The following YEATS4 variants were observed in gnomAD, a reference collection of about 807,000 sequenced individuals.
YEATS4 encodes YEATS domain-containing protein 4.
Under a neutral mutation model 30.1 loss-of-function variants are expected in YEATS4, and 17 were observed. The observed-to-expected ratio is 0.56, with a 90% confidence interval of 0.39 to 0.85. YEATS4 has a LOEUF of 0.85. Ranked by LOEUF, YEATS4 falls within the 40% of genes least tolerant of loss-of-function variation. The pLI, the probability that YEATS4 is intolerant of heterozygous loss-of-function variation, is 0.00. For synonymous variants in YEATS4, 85 were observed against 87.5 expected (o/e 0.97, Z 0.16); for missense variants, 142 against 268.3 (o/e 0.53, Z 3.29).
the YEATS4 span, among the ~76,000 whole-genome samples, chr12:69,410,587 A>G: frequency 6.6e-6 from 1 of 152,230 alleles, no homozygotes; most frequent in African/African-American, 2.4e-5. Context: ...AATTTAAGAA[A>G]TAACCACTTT....
chr12:69,364,827 C>A (rs1201984393), intron 2 of YEATS4, among the ~76,000 whole-genome samples: 5 of 152,018 alleles, frequency 3.3e-5, no homozygotes, highest in Non-Finnish European at 5.9e-5. Context: ...CCCATGTTGG[C>A]CAGGCTGGTC....
At chr12:69,389,928 AT>A (rs1868297438) in intron 6 of YEATS4, among the ~76,000 whole-genome samples, 1 of 152,096 alleles carries the variant, frequency 6.6e-6, no homozygotes, top group Non-Finnish European at 1.5e-5. Flanking sequence ...GGTGACCAGA[AT>A]TTTATTTTTA....
downstream of YEATS4, among the ~76,000 whole-genome samples, chr12:69,391,542 G>T (rs1402387868): frequency 2.0e-5 from 3 of 152,150 alleles, no homozygotes; most frequent in Non-Finnish European, 4.4e-5. Context: ...TGCCCTGATG[G>T]ATTGGTTACT....
chr12:69,377,256 A>G (rs1363841166), intron 6 of YEATS4, among the ~76,000 whole-genome samples: 1 of 152,040 alleles, frequency 6.6e-6, no homozygotes, highest in African/African-American at 2.4e-5. Flanking sequence ...TTTACAATAC[A>G]TCGTTAGATA....
At chr12:69,381,454 A>G (rs533006748) in intron 6 of YEATS4, among the ~76,000 whole-genome samples, 1 of 152,282 alleles carries the variant, frequency 6.6e-6, no homozygotes, top group African/African-American at 2.4e-5. Flanking sequence ...CACATGCTCT[A>G]CAAACAATTT....
intron 6 of YEATS4, among the ~76,000 whole-genome samples, chr12:69,389,145 A>AT (rs1326144494): frequency 6.6e-6 from 1 of 152,054 alleles, no homozygotes; most frequent in African/African-American, 2.4e-5. Context: ...TGATAGTGTG[A>AT]TTTTGTTTAT....
At chr12:69,386,351 A>G (rs1252812498) in intron 6 of YEATS4, among the ~76,000 whole-genome samples, 1 of 152,262 alleles carries the variant, frequency 6.6e-6, no homozygotes, top group Non-Finnish European at 1.5e-5. Flanking sequence ...TTTTAAAACT[A>G]CCGCTTACAG....
At position 69,375,108 on chromosome 12, in the gene YEATS4, G is replaced by A. The variant is rs531478186; in HGVS notation, c.514+4133G>A. 2.4e-4 allele frequency among the ~76,000 whole-genome samples: 36 copies of A among 151,924 alleles called. 1 individual carries two copies. In the South Asian group the frequency reaches 6.7e-3, roughly 28 times the overall value. On this transcript the variant is annotated intron_variant, in intron 6 of 6. Coordinates refer to ENST00000247843, the MANE Select transcript of YEATS4 (RefSeq NM_006530.4). ...GGAGACGCTCCTCACTTCCCTGACG[G>A]GGTGGCTGCTGGGCGGAGGGGCTCC...
chr12:69,360,069 G>T (rs748547101), intron 1 of YEATS4, 46 bp downstream of exon 1: 6 of 1,598,448 alleles, frequency 3.8e-6, no homozygotes, highest in South Asian at 1.1e-5. Context: ...CTCCCGCCTC[G>T]GTTCCTCCCT....
chr12:69,382,522 T>G (rs1876120921), intron 6 of YEATS4, among the ~76,000 whole-genome samples: 1 of 152,210 alleles, frequency 6.6e-6, no homozygotes, highest in South Asian at 2.1e-4. Flanking sequence ...CACAAATATT[T>G]ACTTAAGGCC....
At chr12:69,378,425 A>G (rs994341592) in intron 6 of YEATS4, among the ~76,000 whole-genome samples, 1 of 151,466 alleles carries the variant, frequency 6.6e-6, no homozygotes, top group African/African-American at 2.4e-5. Context: ...TATTTTTCTG[A>G]TTGTTTGATG....
At position 69,370,900 on chromosome 12, in the gene YEATS4, C is replaced by T. The variant is rs1482221673; in HGVS notation, c.439C>T (p.Pro147Ser). The T allele has an allele frequency of 6.2e-7, 1 of 1,612,940 alleles. No homozygotes were observed. Among genetic ancestry groups the T allele is most frequent in the Admixed American group, 1.7e-5 (1 of 59,892 alleles). The change falls in exon 6 of 7, where the codon CCA (proline) becomes TCA (serine). Residue 147 changes from proline (P) to serine (S), a missense_variant. Physicochemically the swap from Pro to Ser is moderately conservative, Grantham distance 74 (BLOSUM62 -1). Transcript: ENST00000247843. Reference protein sequence around the residue: ...EFYDEMIFQDPTAMMQQLLTT... With the variant: ...EFYDEMIFQDSTAMMQQLLTT... ...TTTATCCCATTAGATATTTCAAGAC[C>T]CAACAGCAATGATGCAACAATTATT...
chr12:69,362,951 T>A, intron 2 of YEATS4, 44 bp downstream of exon 2: 1 of 1,478,430 alleles, frequency 6.8e-7, no homozygotes, highest in Non-Finnish European at 9.0e-7. Context: ...TAAAGTTGTC[T>A]GTAATTTGTT....
At chr12:69,372,019 T>C (rs1408336924) in intron 6 of YEATS4, among the ~76,000 whole-genome samples, 4 of 152,070 alleles carry the variant, frequency 2.6e-5, no homozygotes, top group African/African-American at 4.8e-5. Flanking sequence ...CCAGTGTGAC[T>C]AGAGTAGAGT....
chr12:69,396,238 G>C, the YEATS4 span, among the ~76,000 whole-genome samples: 1 of 152,206 alleles, frequency 6.6e-6, no homozygotes, highest in Non-Finnish European at 1.5e-5. Context: ...TCACCAGTCT[G>C]CTTATTCACT....
At chr12:69,373,600 C>G (rs1427929204) in intron 6 of YEATS4, among the ~76,000 whole-genome samples, 2 of 152,002 alleles carry the variant, frequency 1.3e-5, no homozygotes, top group Non-Finnish European at 2.9e-5. Flanking sequence ...TTGTTGTTTC[C>G]TTTGTGGTAC....
downstream of YEATS4, among the ~76,000 whole-genome samples, chr12:69,393,823 G>A (rs2121100755): frequency 6.6e-6 from 1 of 152,256 alleles, no homozygotes; most frequent in East Asian, 1.9e-4. Context: ...GTGTGCTTGA[G>A]ATTTTTCATA....
Position 69,362,461 on chromosome 12 carries a change from A to C in YEATS4, c.52-327A>C, listed in dbSNP as rs897172402. Among the ~76,000 whole-genome samples, 15 of 152,358 alleles carry C rather than the reference A, an allele frequency of 9.8e-5. No individual in the cohort carries two copies. The East Asian group carries it at 1.5e-3, about 16-fold the overall frequency. ...TAAGGACATTGCCACAGGTGATGCC[A>C]GTCAGAATTGGCCATTTTTATTTCA... On this transcript the variant is annotated intron_variant, in intron 1 of 6. Transcript: ENST00000247843.
the YEATS4 span, among the ~76,000 whole-genome samples, chr12:69,411,725 G>A: frequency 6.6e-6 from 1 of 152,230 alleles, no homozygotes. Flanking sequence ...CGAAGGAGGT[G>A]AAGGAGTGAG....
Sources: gnomAD v4.1 joint callset for allele counts (sites outside exome capture counted in the v4.1 genomes callset) on GRCh38, gnomAD v4.1.1 for gene constraint, MANE v1.5 for transcripts, NCBI Gene and HGNC (gene_info 2026-07-23, HGNC 2026-07-21) for gene names.